The following AFG1L variants were observed in gnomAD, a reference collection of about 807,000 sequenced individuals.
AFG1L encodes AFG1 like ATPase, also known as AFG1-like ATPase.
In AFG1L, 53 loss-of-function variants were observed where a neutral mutation model predicts 62.2. The observed-to-expected ratio is 0.85, with a 90% CI of 0.68 to 1.07. The LOEUF is 1.07. AFG1L is among the 50% of genes least tolerant of loss of function. AFG1L has a pLI of 0.00. For synonymous variants in AFG1L, 228 were observed against 210.3 expected (o/e 1.08, Z -0.73); for missense variants, 555 against 590.5 (o/e 0.94, Z 0.62).
At chr6:108,314,006 G>A (rs1316996251) in intron 1 of AFG1L, among the ~76,000 whole-genome samples, 1 of 152,168 alleles carries the variant, frequency 6.6e-6, no homozygotes, top group African/African-American at 2.4e-5. Context: ...CCTGAGGTCA[G>A]GAGTTTGAGA....
intron 10 of AFG1L, among the ~76,000 whole-genome samples, chr6:108,478,083 T>C (rs1773187277): frequency 6.6e-6 from 1 of 152,212 alleles, no homozygotes; most frequent in Non-Finnish European, 1.5e-5. Flanking sequence ...AACAGTTGCT[T>C]TTCAGTAAGG....
chr6:108,418,561 C>T lies in AFG1L; in HGVS notation c.807+16507C>T, dbSNP rs546615595. Among the ~76,000 whole-genome samples, 16 of 152,130 alleles carry T rather than the reference C, an allele frequency of 1.1e-4. No homozygotes were observed. The East Asian group carries it at 3.1e-3, about 29-fold the overall frequency. ...TGTCAGCATAGATTTATTAGTAGGTCTTGGAGAAAGGGGCATTCCAAGAGC... is the reference window on the plus strand; with the variant it reads ...TGTCAGCATAGATTTATTAGTAGGTTTTGGAGAAAGGGGCATTCCAAGAGC... On this transcript the variant is annotated intron_variant, in intron 7 of 12. Coordinates refer to ENST00000368977, the MANE Select transcript of AFG1L (RefSeq NM_145315.5).
At chr6:108,302,999 G>A (rs1047973941) in intron 1 of AFG1L, among the ~76,000 whole-genome samples, 1 of 151,738 alleles carries the variant, frequency 6.6e-6, no homozygotes, top group African/African-American at 2.4e-5. Flanking sequence ...TGCAACCTCC[G>A]CCTCCCAGGT....
intron 11 of AFG1L, among the ~76,000 whole-genome samples, chr6:108,515,892 A>G (rs1774863194): frequency 6.6e-6 from 1 of 152,264 alleles, no homozygotes; most frequent in Non-Finnish European, 1.5e-5. Context: ...AATAAACTAG[A>G]AAATCTAGAA....
intron 5 of AFG1L, among the ~76,000 whole-genome samples, chr6:108,363,459 G>T (rs1197043262): frequency 1.3e-5 from 2 of 152,090 alleles, no homozygotes; most frequent in Non-Finnish European, 2.9e-5. Flanking sequence ...AATGTGTTTG[G>T]ATAGTTTTTT....
chr6:108,510,119 A>G (rs1774585473), intron 10 of AFG1L, 93 bp from the exon 11 acceptor site: 2 of 926,350 alleles, frequency 2.2e-6, no homozygotes, highest in Non-Finnish European at 3.2e-6. Context: ...AGATCACACC[A>G]TGACAAGAAA....
rs549223032 is a variant in AFG1L, at chr6:108,503,877, C to T, written c.1063-6335C>T. On this transcript the variant is annotated intron_variant, in intron 10 of 12. Coordinates refer to ENST00000368977, the MANE Select transcript of AFG1L (RefSeq NM_145315.5). Reference sequence around the variant, plus strand: ...TTCTACATCAGCACTTGCTGTTTCACCTTGAACTTTCGTTATGGAGATGGC... The same window carrying T: ...TTCTACATCAGCACTTGCTGTTTCATCTTGAACTTTCGTTATGGAGATGGC... Among the ~76,000 whole-genome samples, 20 of 152,362 alleles carry T rather than the reference C, an allele frequency of 1.3e-4. No individual in the cohort carries two copies. The East Asian group carries it at 1.5e-3, about 12-fold the overall frequency.
chr6:108,511,026 G>C (rs1774624721), intron 11 of AFG1L, among the ~76,000 whole-genome samples: 1 of 150,930 alleles, frequency 6.6e-6, no homozygotes, highest in South Asian at 2.1e-4. Flanking sequence ...ACAGTAGTGA[G>C]TCATGATCAC....
At chr6:108,378,482 C>A (rs7769271) in intron 6 of AFG1L, among the ~76,000 whole-genome samples, 3,985 of 152,160 alleles carry the variant, frequency 0.026, 173 homozygotes, top group African/African-American at 0.092. Flanking sequence ...CCACGCCCAG[C>A]TAATTTTTGT....
chr6:108,433,799 G>A (rs1453452978), intron 7 of AFG1L, among the ~76,000 whole-genome samples: 1 of 152,072 alleles, frequency 6.6e-6, no homozygotes, highest in African/African-American at 2.4e-5. Flanking sequence ...CACCATGTTG[G>A]CCAGGCTGGT....
intron 10 of AFG1L, among the ~76,000 whole-genome samples, chr6:108,498,230 T>A (rs1469856966): frequency 6.6e-6 from 1 of 152,164 alleles, no homozygotes; most frequent in Non-Finnish European, 1.5e-5. Flanking sequence ...AGTTGAGCCA[T>A]GGTAAAGAAT....
rs2114815731 is a variant in AFG1L at position 108,477,188 on chromosome 6, A to T, written c.962-4A>T. On this transcript the variant is annotated splice_region_variant and splice_polypyrimidine_tract_variant and intron_variant, in intron 9 of 12. Coordinates refer to ENST00000368977, the MANE Select transcript of AFG1L (RefSeq NM_145315.5). ...AGATTGAGTCTTTGTTCATGTTCCC[A>T]TAGTAACTAGACCAAGGATTCTAAA... The T allele has an allele frequency of 6.4e-7, 1 of 1,572,838 alleles. No individual in the cohort carries two copies. Among genetic ancestry groups the T allele is most frequent in the East Asian group, 2.3e-5 (1 of 44,328 alleles).
In AFG1L at chr6:108,410,151, C is replaced by CA. The variant is rs201750930; in HGVS notation, c.807+8104dup. ...TGAAACCCCATCTCTACTAAAAATA[C>CA]AAAAAAATTAGCCAGCCATGAGGTG... On this transcript the variant is annotated intron_variant, in intron 7 of 12. Coordinates refer to ENST00000368977, the MANE Select transcript of AFG1L (RefSeq NM_145315.5). Among the ~76,000 whole-genome samples, 1,014 of 151,904 alleles carry CA rather than the reference C, an allele frequency of 6.7e-3. 11 individuals are homozygous for CA. The highest frequency in any genetic ancestry group is 0.022 in the African/African-American group (912 of 41,438).
chr6:108,380,526 G>GA (rs1197568777), intron 6 of AFG1L, among the ~76,000 whole-genome samples: 1 of 152,196 alleles, frequency 6.6e-6, no homozygotes, highest in African/African-American at 2.4e-5. Context: ...TGTGACAGGG[G>GA]AGAGCACAAT....
chr6:108,332,078 A>G (rs1778296454), intron 2 of AFG1L, among the ~76,000 whole-genome samples: 1 of 152,196 alleles, frequency 6.6e-6, no homozygotes, highest in African/African-American at 2.4e-5. Flanking sequence ...CAATTCTACC[A>G]TTGCACTCAG....
At chr6:108,381,444 G>A (rs1780515388) in intron 6 of AFG1L, among the ~76,000 whole-genome samples, 1 of 151,460 alleles carries the variant, frequency 6.6e-6, no homozygotes, top group Non-Finnish European at 1.5e-5. Flanking sequence ...GCACATGTCT[G>A]TCATCCTAGC....
At chr6:108,312,347 T>C (rs1019675674) in intron 1 of AFG1L, among the ~76,000 whole-genome samples, 5 of 151,990 alleles carry the variant, frequency 3.3e-5, no homozygotes, top group African/African-American at 1.2e-4. Context: ...AAGACCAGCT[T>C]GGGCAACATA....
intron 8 of AFG1L, among the ~76,000 whole-genome samples, chr6:108,448,740 A>T (rs72938658): frequency 0.014 from 2,094 of 152,214 alleles, 21 homozygotes; most frequent in Non-Finnish European, 0.023. Context: ...AGTGAAGTTC[A>T]GTTTTGATCT....
At chr6:108,366,886 A>T (rs796611196) in intron 6 of AFG1L, among the ~76,000 whole-genome samples, 8 of 152,284 alleles carry the variant, frequency 5.3e-5, no homozygotes, top group African/African-American at 1.9e-4. Flanking sequence ...TTAAAGGTCT[A>T]AGAAACCACA....
Sources: allele counts gnomAD v4.1 joint callset (sites outside exome capture counted in the v4.1 genomes callset), GRCh38; gene constraint gnomAD v4.1.1; transcripts MANE v1.5; gene names NCBI Gene and HGNC (gene_info 2026-07-23, HGNC 2026-07-21).